Variants in SLIT2 observed in about 807,000 individuals in gnomAD.
SLIT2 encodes slit homolog 2 protein.
A neutral mutation model predicts 185.7 loss-of-function variants in SLIT2; 41 were observed. That is an observed-to-expected ratio of 0.22 (90% CI 0.17 to 0.29). SLIT2 has a LOEUF of 0.29. SLIT2 is among the 10% of genes least tolerant of loss of function. The probability of loss-of-function intolerance (pLI) is 1.00; values close to 1 mark genes in which losing one functional copy is unlikely to be tolerated. For synonymous variants in SLIT2, 693 were observed against 680.2 expected (o/e 1.02, Z -0.29); for missense variants, 1,571 against 1,909.0 (o/e 0.82, Z 3.30).
At chr4:20,291,926 G>A (rs1451640547) in intron 4 of SLIT2, among the ~76,000 whole-genome samples, 5 of 151,600 alleles carry the variant, frequency 3.3e-5, no homozygotes, top group African/African-American at 1.2e-4. Flanking sequence ...GTGTGTGTGT[G>A]TGTGTGTGTG....
intron 34 of SLIT2, among the ~76,000 whole-genome samples, chr4:20,610,676 A>G (rs1339310678): frequency 6.6e-6 from 1 of 152,196 alleles, no homozygotes; most frequent in African/African-American, 2.4e-5. Context: ...TGATAGGATA[A>G]GTATCACTGT....
rs1052392907 is a variant in SLIT2 at position 20,390,289 on chromosome 4, G to A, written c.396-77463G>A. Among the ~76,000 whole-genome samples the A allele has an allele frequency of 3.9e-5, 6 of 152,184 alleles. No homozygotes were observed. The Middle Eastern group carries it at 0.01, about 259-fold the overall frequency. On this transcript the variant is annotated intron_variant, in intron 4 of 36. Transcript: ENST00000504154. ...TAAGTAATATACAAAAAAAATTGCC[G>A]TGCATTGAATAATTGACACTATTGA...
chr4:20,264,314 T>C (rs1187929860), intron 3 of SLIT2, among the ~76,000 whole-genome samples: 1 of 151,830 alleles, frequency 6.6e-6, no homozygotes, highest in Non-Finnish European at 1.5e-5. Flanking sequence ...GCTTGATCAT[T>C]CATGTAGGAG....
At chr4:20,479,495 G>A (rs1389906329) in intron 5 of SLIT2, among the ~76,000 whole-genome samples, 1 of 152,108 alleles carries the variant, frequency 6.6e-6, no homozygotes, top group East Asian at 1.9e-4. Flanking sequence ...CACCCAGTGC[G>A]TGCAGAGCTG....
chr4:20,321,287 C>T lies in SLIT2; in HGVS notation c.395+52406C>T, dbSNP rs59423034. 7.0e-3 allele frequency among the ~76,000 whole-genome samples: 1,062 copies of T among 152,274 alleles called. 10 individuals are homozygous for T. Among genetic ancestry groups the T allele is most frequent in the African/African-American group, 0.024 (1,009 of 41,560 alleles). On this transcript the variant is annotated intron_variant, in intron 4 of 36. Coordinates refer to ENST00000504154, the MANE Select transcript of SLIT2 (RefSeq NM_004787.4). Reference sequence around the variant, plus strand: ...ACTCAGTCATTGGATAGTCAATTGCCAAAATTCTGCAGATTTTCCCACCAC... The same window carrying T: ...ACTCAGTCATTGGATAGTCAATTGCTAAAATTCTGCAGATTTTCCCACCAC...
chr4:20,542,284 G>A (rs1055055999), intron 20 of SLIT2, among the ~76,000 whole-genome samples: 4 of 152,072 alleles, frequency 2.6e-5, no homozygotes, highest in African/African-American at 9.7e-5. Context: ...CAAATTGCAA[G>A]CCATTTTCCA....
chr4:20,327,532 T>C (rs1013841866), intron 4 of SLIT2, among the ~76,000 whole-genome samples: 1 of 152,028 alleles, frequency 6.6e-6, no homozygotes, highest in African/African-American at 2.4e-5. Context: ...TTTTCTTCCT[T>C]CTTTTAATAA....
chr4:20,616,742 A>G, intron 34 of SLIT2, 168 bp from the exon 35 acceptor site: 1 of 633,170 alleles, frequency 1.6e-6, no homozygotes, highest in Non-Finnish European at 2.7e-6. Flanking sequence ...AGAACAAAAC[A>G]AAAACACACA....
intron 6 of SLIT2, among the ~76,000 whole-genome samples, chr4:20,485,104 T>G (rs969687509): frequency 6.6e-6 from 1 of 152,164 alleles, no homozygotes; most frequent in African/African-American, 2.4e-5. Context: ...CACCTCAATG[T>G]GTACCTTTAG....
At chr4:20,308,902 T>C (rs1717823649) in intron 4 of SLIT2, among the ~76,000 whole-genome samples, 1 of 152,172 alleles carries the variant, frequency 6.6e-6, no homozygotes, top group South Asian at 2.1e-4. Flanking sequence ...GTTCACATGC[T>C]TTTCATTTTC....
intron 17 of SLIT2, 194 bp from the exon 18 acceptor site, chr4:20,533,378 C>T (rs1721976211): frequency 1.7e-6 from 1 of 579,166 alleles, no homozygotes; most frequent in African/African-American, 1.9e-5. Flanking sequence ...TTTTTTACCA[C>T]AGACATTCCC....
At chr4:20,617,416 T>C (rs919595589) in intron 35 of SLIT2, 23 bp from the exon 36 acceptor site, 8 of 1,602,996 alleles carry the variant, frequency 5.0e-6, no homozygotes, top group Non-Finnish European at 6.8e-6. Context: ...GCATTCCCAC[T>C]CCTGTGTTCC....
chr4:20,510,034 T>G (rs1216635832), intron 9 of SLIT2, among the ~76,000 whole-genome samples: 1 of 152,172 alleles, frequency 6.6e-6, no homozygotes, highest in Non-Finnish European at 1.5e-5. Context: ...TTTTAACCGA[T>G]CATATGCTTT....
intron 29 of SLIT2, among the ~76,000 whole-genome samples, chr4:20,578,747 G>A (rs1726276637): frequency 6.6e-6 from 1 of 152,142 alleles, no homozygotes; most frequent in Non-Finnish European, 1.5e-5. Context: ...TTGTAGACAT[G>A]CCCAATTTGA....
chr4:20,291,494 T>TA (rs1716156603), intron 4 of SLIT2, among the ~76,000 whole-genome samples: 1 of 16,558 alleles, frequency 6.0e-5, no homozygotes, highest in African/African-American at 3.0e-4. Context: ...ATATATATAT[T>TA]TTTTTTTTTT....
chr4:20,589,830 C>G (rs918107513), intron 30 of SLIT2, 93 bp downstream of exon 30: 6 of 801,524 alleles, frequency 7.5e-6, no homozygotes, highest in East Asian at 2.6e-5. Context: ...CTTCACACCT[C>G]TGCTCAGGAT....
rs370239771 is a variant in SLIT2, at chr4:20,318,494, C to T, written c.395+49613C>T. ...AAACTAGAAGAAAATAATGATGAAACGAATTAAAAGTGCTTTCCAGTCCAA... is the reference window on the plus strand; with the variant it reads ...AAACTAGAAGAAAATAATGATGAAATGAATTAAAAGTGCTTTCCAGTCCAA... On this transcript the variant is annotated intron_variant, in intron 4 of 36. Transcript: ENST00000504154. Among the ~76,000 whole-genome samples the T allele has an allele frequency of 1.6e-4, 25 of 152,236 alleles. No homozygotes were observed. The East Asian group carries it at 1.7e-3, about 11-fold the overall frequency.
chr4:20,545,538 A>T (rs910083159), intron 21 of SLIT2, among the ~76,000 whole-genome samples: 5 of 151,978 alleles, frequency 3.3e-5, no homozygotes, highest in Non-Finnish European at 5.9e-5. Flanking sequence ...CACCAAGAAG[A>T]TATATGCTGG....
intron 4 of SLIT2, among the ~76,000 whole-genome samples, chr4:20,389,290 A>G (rs1725224467): frequency 6.6e-6 from 1 of 152,070 alleles, no homozygotes; most frequent in African/African-American, 2.4e-5. Context: ...GCATATCATT[A>G]TAAAAATGCA....
Sources: gnomAD v4.1 joint callset for allele counts (sites outside exome capture counted in the v4.1 genomes callset) on GRCh38, gnomAD v4.1.1 for gene constraint, MANE v1.5 for transcripts, NCBI Gene and HGNC (gene_info 2026-07-23, HGNC 2026-07-21) for gene names.